TP63: variants seen among roughly 807,000 people sequenced by gnomAD.
TP63 encodes tumor protein p63.
Under a neutral mutation model 82.8 loss-of-function variants are expected in TP63, and 17 were observed. The ratio of observed to expected loss-of-function variants is 0.21; its 90% CI spans 0.14 to 0.31. TP63 has a LOEUF of 0.31. TP63 is among the 10% of genes least tolerant of loss of function. TP63 has a pLI of 1.00. For missense variants in TP63, 648 were observed against 895.3 expected, an observed-to-expected ratio of 0.72 and a Z score of 3.52; for synonymous variants, 330 against 321.7, an observed-to-expected ratio of 1.03 and a Z score of -0.28.
intron 1 of TP63, among the ~76,000 whole-genome samples, chr3:189,669,478 T>C (rs1214539930): frequency 6.6e-6 from 1 of 151,750 alleles, no homozygotes; most frequent in Non-Finnish European, 1.5e-5. Context: ...ATTGGGCAAA[T>C]AGAAAATGTT....
At position 189,635,982 on chromosome 3, in the gene TP63, T is replaced by C. The variant is rs536878091; in HGVS notation, c.62+4405T>C. On this transcript the variant is annotated intron_variant, in intron 1 of 13. Coordinates refer to ENST00000264731, the MANE Select transcript of TP63 (RefSeq NM_003722.5). Reference sequence around the variant, plus strand: ...TTAGCCATCTCCGTAATCACTAAGTTTCTCTGACTGAAAGGAATGAGCCAA... The same window carrying C: ...TTAGCCATCTCCGTAATCACTAAGTCTCTCTGACTGAAAGGAATGAGCCAA... Among the ~76,000 whole-genome samples the C allele has an allele frequency of 5.4e-4, 82 of 152,230 alleles. No individual in the cohort carries two copies. In the Middle Eastern group the frequency reaches 0.01, roughly 19 times the overall value.
chr3:189,810,944 T>C (rs913367187), intron 4 of TP63, among the ~76,000 whole-genome samples: 4 of 151,950 alleles, frequency 2.6e-5, no homozygotes, highest in African/African-American at 9.7e-5. Context: ...GAGAAGTCAA[T>C]TGTCTTACTC....
intron 1 of TP63, among the ~76,000 whole-genome samples, chr3:189,715,241 C>G (rs1011980884): frequency 1.4e-4 from 21 of 152,152 alleles, no homozygotes; most frequent in African/African-American, 4.8e-4. Flanking sequence ...TCTTAGTCAC[C>G]CTGAGTAGGA....
chr3:189,608,535 G>C, the TP63 span, among the ~76,000 whole-genome samples: 2 of 152,096 alleles, frequency 1.3e-5, no homozygotes, highest in Non-Finnish European at 2.9e-5. Context: ...CAGAGGACAG[G>C]TGATGCAAAA....
chr3:189,887,531 A>ATT (rs1202378538), intron 11 of TP63, among the ~76,000 whole-genome samples: 1 of 152,198 alleles, frequency 6.6e-6, no homozygotes, highest in Non-Finnish European at 1.5e-5. Context: ...GATGACTGGC[A>ATT]TATAGCTTTA....
chr3:189,716,664 A>G (rs1449128517), intron 1 of TP63, among the ~76,000 whole-genome samples: 1 of 152,216 alleles, frequency 6.6e-6, no homozygotes, highest in Admixed American at 6.5e-5. Flanking sequence ...TAAAGGAACC[A>G]AAATAAACAA....
intron 10 of TP63, chr3:189,880,611 A>G: frequency 2.0e-6 from 2 of 986,154 alleles, no homozygotes; most frequent in Non-Finnish European, 1.2e-6. Flanking sequence ...AAAGGAGAAA[A>G]AAGTTGTTAT....
At chr3:189,702,445 G>A (rs770821239) in intron 1 of TP63, among the ~76,000 whole-genome samples, 6 of 152,086 alleles carry the variant, frequency 3.9e-5, no homozygotes, top group South Asian at 2.1e-4. Flanking sequence ...TAGAAGAGGA[G>A]GTTTGATTGG....
chr3:189,664,155 C>T (rs1455476914), intron 1 of TP63, among the ~76,000 whole-genome samples: 4 of 151,970 alleles, frequency 2.6e-5, no homozygotes, highest in Non-Finnish European at 5.9e-5. Flanking sequence ...TTCCTATCCC[C>T]CCAAGCCCTG....
At chr3:189,664,934 G>T (rs1714248487) in intron 1 of TP63, among the ~76,000 whole-genome samples, 1 of 152,048 alleles carries the variant, frequency 6.6e-6, no homozygotes, top group South Asian at 2.1e-4. Flanking sequence ...ATACCATCTG[G>T]TTATTAAATA....
intron 1 of TP63, chr3:189,645,263 C>T: frequency 2.8e-6 from 1 of 355,436 alleles, no homozygotes; most frequent in Non-Finnish European, 5.4e-6. Context: ...AGTATTCATA[C>T]TGCAGCACCT....
At chr3:189,889,000 G>A (rs935469371) in intron 11 of TP63, among the ~76,000 whole-genome samples, 2 of 152,194 alleles carry the variant, frequency 1.3e-5, no homozygotes, top group African/African-American at 2.4e-5. Context: ...GCACAGGTTA[G>A]TGAGGGAGAC....
intron 3 of TP63, among the ~76,000 whole-genome samples, chr3:189,754,468 G>T (rs1277041065): frequency 1.3e-5 from 2 of 152,054 alleles, no homozygotes; most frequent in African/African-American, 2.4e-5. Context: ...CGTATTGTAT[G>T]AACATATCAG....
chr3:189,616,907 T>C, the TP63 span, among the ~76,000 whole-genome samples: 1 of 152,218 alleles, frequency 6.6e-6, no homozygotes, highest in African/African-American at 2.4e-5. Flanking sequence ...GCTACATCTT[T>C]TTCCACCAGA....
intron 1 of TP63, among the ~76,000 whole-genome samples, chr3:189,655,052 A>G (rs1207263459): frequency 6.6e-6 from 1 of 152,178 alleles, no homozygotes; most frequent in Non-Finnish European, 1.5e-5. Context: ...GAAACGCCAT[A>G]ATTAATCTCT....
intron 4 of TP63, among the ~76,000 whole-genome samples, chr3:189,840,697 A>G (rs1259811244): frequency 6.6e-6 from 1 of 151,800 alleles, no homozygotes; most frequent in African/African-American, 2.4e-5. Context: ...GTGTCTACTA[A>G]AAATACAAAA....
At chr3:189,716,120 A>G (rs1393035339) in intron 1 of TP63, among the ~76,000 whole-genome samples, 4 of 152,234 alleles carry the variant, frequency 2.6e-5, no homozygotes, top group African/African-American at 9.7e-5. Context: ...ACTTGGTTCA[A>G]GTCAAACATC....
rs9855645 is a variant in TP63 at position 189,702,708 on chromosome 3, C to T, written c.63-35032C>T. On this transcript the variant is annotated intron_variant, in intron 1 of 13. Coordinates refer to ENST00000264731, the MANE Select transcript of TP63 (RefSeq NM_003722.5). ...AAAAAGGTAAATATTCAGGATTGAGCAGAGCAAAAAGTACAGACATGAATT... is the reference window on the plus strand; with the variant it reads ...AAAAAGGTAAATATTCAGGATTGAGTAGAGCAAAAAGTACAGACATGAATT... Among the ~76,000 whole-genome samples, 702 of 152,276 alleles carry T rather than the reference C, an allele frequency of 4.6e-3. 4 individuals carry two copies. The highest frequency in any genetic ancestry group is 0.014 in the African/African-American group (571 of 41,560).
chr3:189,684,520 A>G (rs1485765160), intron 1 of TP63, among the ~76,000 whole-genome samples: 1 of 152,162 alleles, frequency 6.6e-6, no homozygotes, highest in African/African-American at 2.4e-5. Flanking sequence ...GTGTACCTGA[A>G]GGTTAAGGGC....
Sources: allele counts gnomAD v4.1 joint callset (sites outside exome capture counted in the v4.1 genomes callset), GRCh38; gene constraint gnomAD v4.1.1; transcripts MANE v1.5; gene names NCBI Gene and HGNC (gene_info 2026-07-23, HGNC 2026-07-21).